Variants in CELF2 observed in about 807,000 individuals in gnomAD.
The protein encoded by CELF2 is CUGBP Elav-like family member 2.
In CELF2, 8 loss-of-function variants were observed where a neutral mutation model predicts 62.6. The observed-to-expected ratio is 0.13, with a 90% CI of 0.07 to 0.23. The LOEUF is 0.23. Ranked by LOEUF, CELF2 falls within the 10% of genes least tolerant of loss-of-function variation. The pLI is 1.00. For missense variants in CELF2, 333 were observed against 671.0 expected, an observed-to-expected ratio of 0.50 and a Z score of 5.56; for synonymous variants, 258 against 250.0, an observed-to-expected ratio of 1.03 and a Z score of -0.30.
the CELF2 span, among the ~76,000 whole-genome samples, chr10:10,690,159 T>C: frequency 6.6e-6 from 1 of 152,244 alleles, no homozygotes; most frequent in African/African-American, 2.4e-5. Flanking sequence ...TAAGACTATA[T>C]AGGTTTCCTC....
chr10:10,537,924 C>T, the CELF2 span, among the ~76,000 whole-genome samples: 6 of 152,084 alleles, frequency 3.9e-5, no homozygotes, highest in Admixed American at 6.5e-5. Context: ...GGTCCGTGGC[C>T]GCGGGAGCCT....
intron 1 of CELF2, among the ~76,000 whole-genome samples, chr10:10,858,841 A>C (rs2059900727): frequency 6.6e-6 from 1 of 152,184 alleles, no homozygotes; most frequent in Non-Finnish European, 1.5e-5. Context: ...CAGAAGATTC[A>C]GAAAGCCAGA....
At chr10:10,479,307 T>C in the CELF2 span, among the ~76,000 whole-genome samples, 11 of 152,116 alleles carry the variant, frequency 7.2e-5, no homozygotes, top group Non-Finnish European at 1.6e-4. Context: ...TAACTGGGAC[T>C]ACAGCCATAC....
chr10:10,586,512 G>A, the CELF2 span, among the ~76,000 whole-genome samples: 3 of 152,124 alleles, frequency 2.0e-5, no homozygotes. Context: ...TTAAAAAGAT[G>A]TTCATGAAAA....
chr10:10,568,873 A>G, the CELF2 span, among the ~76,000 whole-genome samples: 11 of 152,148 alleles, frequency 7.2e-5, no homozygotes, highest in Admixed American at 3.3e-4. Flanking sequence ...TTGAGTACCT[A>G]TTGGAGCCTA....
In CELF2 at chr10:11,270,590, C is replaced by A; in HGVS notation, c.619-76C>A. 7.8e-7 allele frequency: 1 copy of A among 1,283,338 alleles called. No homozygotes were observed. Among genetic ancestry groups the A allele is most frequent in the Non-Finnish European group, 1.0e-6 (1 of 978,726 alleles). The allele number at this position is 1,283,338 out of a possible 1,614,324, so 79.5% of individuals were successfully genotyped here. A position where few individuals can be genotyped will look rare whatever the true frequency, so the allele number is the denominator to read the frequency against. ...GCTCCAGGCTAGTGCAGAAAGGTAG[C>A]TCCGGTGCTGAGTGTCGTGAGCGGA... is the stretch of plus-strand genomic sequence containing the variant. On this transcript the variant is annotated intron_variant, in intron 6 of 12. Transcript: ENST00000633077. This position sits in a 1 kb window ranked among gnomAD's most constrained non-coding sequence, Gnocchi z 5.8.
the CELF2 span, among the ~76,000 whole-genome samples, chr10:10,486,538 T>A: frequency 6.6e-6 from 1 of 152,138 alleles, no homozygotes; most frequent in Admixed American, 6.6e-5. Context: ...TGGGACCCAA[T>A]GTGTTTCAGA....
intron 1 of CELF2, among the ~76,000 whole-genome samples, chr10:11,059,925 C>T (rs1269673003): frequency 6.6e-6 from 1 of 152,226 alleles, no homozygotes; most frequent in Non-Finnish European, 1.5e-5. Flanking sequence ...CACGCTTAAG[C>T]TTAGCACAGA....
At chr10:11,023,101 A>C (rs535470302) in intron 1 of CELF2, among the ~76,000 whole-genome samples, 14 of 152,176 alleles carry the variant, frequency 9.2e-5, no homozygotes, top group African/African-American at 3.4e-4. Context: ...GGAGGGTCAC[A>C]TTTTCGCTTT....
Position 10,936,065 on chromosome 10 carries a change from A to G in CELF2, c.89+16066A>G, listed in dbSNP as rs2146552. ...TAGTCCCAGCTACTCATGAGGCTGA[A>G]GCAAGAGAATCGCTTAAACCCTGGA... On this transcript the variant is annotated intron_variant, in intron 2 of 13. Coordinates refer to the CELF2 transcript ENST00000636488. The surrounding 1 kb of genome is among the most constrained non-coding windows in gnomAD (Gnocchi z 4.0). Among the ~76,000 whole-genome samples the G allele has an allele frequency of 0.47, 71,521 of 151,662 alleles. 19,110 individuals carry two copies. Among genetic ancestry groups the G allele is most frequent in the East Asian group, 0.73 (3,783 of 5,158 alleles).
chr10:10,910,416 C>T (rs1761205377), intron 1 of CELF2, among the ~76,000 whole-genome samples: 1 of 152,088 alleles, frequency 6.6e-6, no homozygotes, highest in Non-Finnish European at 1.5e-5. Context: ...GAAACACAGG[C>T]CAGTGCAGTA....
At chr10:10,949,019 C>T (rs1014430659) in intron 2 of CELF2, among the ~76,000 whole-genome samples, 1 of 152,116 alleles carries the variant, frequency 6.6e-6, no homozygotes. Context: ...AATGAACACG[C>T]ACACACAAAC....
chr10:10,544,237 G>T, the CELF2 span, among the ~76,000 whole-genome samples: 2 of 152,218 alleles, frequency 1.3e-5, no homozygotes, highest in Non-Finnish European at 2.9e-5. Flanking sequence ...TGGCCATCCA[G>T]GTGGAAGGCA....
rs56364371 is a variant in CELF2 at position 11,032,146 on chromosome 10, C to CAAAAAAAAAAAAAAAAAAAAA, written c.74+13988_74+14008dup. Among the ~76,000 whole-genome samples, 32 of 86,384 alleles carry CAAAAAAAAAAAAAAAAAAAAA rather than the reference C, an allele frequency of 3.7e-4. 3 individuals carry two copies. Among genetic ancestry groups the CAAAAAAAAAAAAAAAAAAAAA allele is most frequent in the South Asian group, 7.0e-4 (2 of 2,844 alleles). 56.7% of individuals were successfully genotyped at this position (86,384 alleles called of 152,430 possible). ...CTCCCAGCTCCACATAGGGCTTAGC[C>CAAAAAAAAAAAAAAAAAAAAA]AAAAAAAAAAAAAAAAAAAAAAAAA... On this transcript the variant is annotated intron_variant, in intron 1 of 12. Coordinates refer to ENST00000633077, the MANE Select transcript of CELF2 (RefSeq NM_001326342.2).
chr10:11,142,056 T>A lies in CELF2; in HGVS notation c.75-23430T>A, dbSNP rs576656252. Among the ~76,000 whole-genome samples, 3 of 152,336 alleles carry A rather than the reference T, an allele frequency of 2.0e-5. No homozygotes were observed. The East Asian group carries it at 5.8e-4, about 29-fold the overall frequency. On this transcript the variant is annotated intron_variant, in intron 1 of 12. Coordinates refer to ENST00000633077, the MANE Select transcript of CELF2 (RefSeq NM_001326342.2). ...CCACGACATCATACTTTCCCACTTG[T>A]TAAGTAATACCTTAACCAGGTAGCT...
chr10:11,128,413 G>T (rs193081881), intron 1 of CELF2, among the ~76,000 whole-genome samples: 1 of 152,316 alleles, frequency 6.6e-6, no homozygotes, highest in East Asian at 1.9e-4. Flanking sequence ...ATTCTGTGAA[G>T]AAAGTCATTG....
At chr10:10,612,758 C>T in the CELF2 span, among the ~76,000 whole-genome samples, 2 of 152,198 alleles carry the variant, frequency 1.3e-5, no homozygotes, top group Non-Finnish European at 2.9e-5. Flanking sequence ...CCACATCTGA[C>T]CAGTTTGCAT....
At chr10:10,822,389 G>A (rs1388419569) in intron 1 of CELF2, among the ~76,000 whole-genome samples, 1 of 152,238 alleles carries the variant, frequency 6.6e-6, no homozygotes, top group East Asian at 1.9e-4. Flanking sequence ...TTGCCTCAAG[G>A]AGAGGAGTTA....
the CELF2 span, among the ~76,000 whole-genome samples, chr10:10,582,985 C>T: frequency 1.1e-4 from 17 of 152,120 alleles, no homozygotes; most frequent in African/African-American, 4.1e-4. Context: ...AGGAGTTGGA[C>T]AAGCTGGAAT....
Sources: allele counts gnomAD v4.1 joint callset (sites outside exome capture counted in the v4.1 genomes callset), GRCh38; gene constraint gnomAD v4.1.1; non-coding constraint Gnocchi (gnomAD v3.1); transcripts MANE v1.5; gene names NCBI Gene and HGNC (gene_info 2026-07-23, HGNC 2026-07-21).